Variants in RANGAP1 observed in about 807,000 individuals in gnomAD.
The protein encoded by RANGAP1 is ran GTPase-activating protein 1.
RANGAP1 carries 38 observed loss-of-function variants against 63.5 expected under a neutral mutation model. The observed-to-expected ratio is 0.60, with a 90% CI of 0.46 to 0.78. RANGAP1 has a LOEUF of 0.78. Ranked by LOEUF, RANGAP1 falls within the 30% of genes least tolerant of loss-of-function variation. The pLI is 0.00. For synonymous variants in RANGAP1, 329 were observed against 310.5 expected (o/e 1.06, Z -0.63); for missense variants, 630 against 740.3 (o/e 0.85, Z 1.73).
the RANGAP1 span, among the ~76,000 whole-genome samples, chr22:41,291,335 C>T: frequency 1.3e-5 from 2 of 152,144 alleles, no homozygotes; most frequent in Non-Finnish European, 2.9e-5. Context: ...CGGTGGCTCC[C>T]GCCTGTAATC....
chr22:41,273,564 G>C (rs991451849), intron 3 of RANGAP1, among the ~76,000 whole-genome samples: 1 of 151,540 alleles, frequency 6.6e-6, no homozygotes, highest in East Asian at 1.9e-4. Flanking sequence ...TCAGGAGTTC[G>C]ACACCAGCCT....
intron 15 of RANGAP1, among the ~76,000 whole-genome samples, chr22:41,248,969 C>T (rs2033241648): frequency 6.6e-6 from 1 of 152,238 alleles, no homozygotes; most frequent in African/African-American, 2.4e-5. Flanking sequence ...AACCGCAGCA[C>T]CTCGCTCAGC....
chr22:41,261,538 C>A lies in RANGAP1; in HGVS notation c.523G>T (p.Ala175Ser), dbSNP rs1405039482. 1 of 1,614,142 alleles carries A rather than the reference C, an allele frequency of 6.2e-7. No homozygotes were observed. Among genetic ancestry groups the A allele is most frequent in the Non-Finnish European group, 8.5e-7 (1 of 1,180,062 alleles). The change falls in exon 6 of 16, where the codon GCC (alanine) becomes TCC (serine). Residue 175 changes from alanine (A) to serine (S), a missense_variant. Physicochemically the swap from Ala to Ser is moderately conservative, Grantham distance 99. Around this residue, in one of 3 missense-constraint regions of RANGAP1, gnomAD observed 137 missense variants for 214.3 expected, o/e 0.64. Transcript: ENST00000356244. Reference protein sequence around the residue: ...ALTECHRKSSAQGKPLALKVF... With the variant: ...ALTECHRKSSSQGKPLALKVF... ...TTCAGGGCCAGAGGCTTGCCTTGGG[C>A]ACTGGATTTCCGGTGACATTCGGTC... is the stretch of plus-strand genomic sequence containing the variant.
chr22:41,280,944 G>A lies in RANGAP1; in HGVS notation c.101C>T (p.Thr34Ile), dbSNP rs2035460240. ...TTCCAGAAACTCACCATCTTCTGCA[G>A]TGTTGAGTTTGAGGCTCTTGCCTTT... ...SFKGKSLKLN[T>I]AEDAKDVIKE... Residue 34 changes from threonine to isoleucine, a missense_variant, in exon 2 of 16, where the codon ACT (threonine) becomes ATT (isoleucine). By Grantham distance (89) the Thr-to-Ile change is moderately conservative (BLOSUM62 -1). This residue lies in a region of RANGAP1 where 65 missense variants were observed against 60.5 expected (regional missense o/e 1.07). Transcript: ENST00000356244. 1 of 1,613,912 alleles carries A rather than the reference G, an allele frequency of 6.2e-7. No individual in the cohort carries two copies. Among genetic ancestry groups the A allele is most frequent in the Non-Finnish European group, 8.5e-7 (1 of 1,180,054 alleles).
intron 4 of RANGAP1, among the ~76,000 whole-genome samples, chr22:41,267,278 G>T (rs1380980562): frequency 1.3e-5 from 2 of 152,138 alleles, no homozygotes; most frequent in African/African-American, 4.8e-5. Context: ...GCTGATGCGG[G>T]AGGACTGTTT....
intron 6 of RANGAP1, 118 bp downstream of exon 6, chr22:41,261,328 G>GT (rs2034156818): frequency 1.4e-6 from 2 of 1,467,380 alleles, no homozygotes; most frequent in Non-Finnish European, 1.8e-6. Context: ...GAGAGGGCAC[G>GT]TGACGCCCCA....
At position 41,256,211 on chromosome 22, in the gene RANGAP1, A is replaced by T; in HGVS notation, c.968T>A (p.Leu323Gln). ...ACTACCATTCAGGTCCAGCTTCTCC[A>T]GCTCAGCTTTGTCTGCCATGGCCTC... ...VAEAMADKAE[L>Q]EKLDLNGNTL... Residue 323 changes from leucine to glutamine, a missense_variant, in exon 9 of 16, where the codon CTG becomes CAG. This residue lies in a region of RANGAP1 where 428 missense variants were observed against 465.5 expected (regional missense o/e 0.92). Coordinates refer to ENST00000356244, the MANE Select transcript of RANGAP1 (RefSeq NM_002883.4). 6.2e-7 allele frequency: 1 copy of T among 1,614,148 alleles called. No homozygotes were observed. Among genetic ancestry groups the T allele is most frequent in the Non-Finnish European group, 8.5e-7 (1 of 1,180,018 alleles).
chr22:41,277,070 G>GA (rs1448409807), intron 2 of RANGAP1, among the ~76,000 whole-genome samples: 1 of 145,292 alleles, frequency 6.9e-6, no homozygotes, highest in Non-Finnish European at 1.5e-5. Flanking sequence ...TGAAAGTGAG[G>GA]ATTTTTTTTT....
chr22:41,285,839 C>T (rs954178531), intron 1 of RANGAP1, 147 bp downstream of exon 1: 23 of 470,818 alleles, frequency 4.9e-5, no homozygotes, highest in Non-Finnish European at 5.8e-5. Flanking sequence ...CCACTCCCAC[C>T]GCCACCCCTG....
At chr22:41,285,562 G>A in intron 1 of RANGAP1, 5 of 985,488 alleles carry the variant, frequency 5.1e-6, no homozygotes, top group South Asian at 4.7e-5. Context: ...CAGGGACAGC[G>A]GCGCCAGCCC....
the RANGAP1 span, among the ~76,000 whole-genome samples, chr22:41,301,263 G>C: frequency 6.6e-6 from 1 of 152,198 alleles, no homozygotes; most frequent in Non-Finnish European, 1.5e-5. Flanking sequence ...CACAGATGGG[G>C]AAGGGCGGAG....
At chr22:41,254,796 C>A (rs889979402) in intron 10 of RANGAP1, 5 of 278,524 alleles carry the variant, frequency 1.8e-5, no homozygotes, top group Non-Finnish European at 5.4e-6. Flanking sequence ...CGTGGTGAAA[C>A]CCCGTCTCTA....
In RANGAP1 at chr22:41,281,064, TC is replaced by T; in HGVS notation, c.-21del. ...GGCCATGTTGACTAGGCTGGTGGGC[TC>T]CCCTGGAGATCTGCAGACTGAGGAG... On this transcript the variant is annotated 5_prime_UTR_variant, in exon 2 of 16. Transcript: ENST00000356244. 1 of 1,569,422 alleles carries T rather than the reference TC, an allele frequency of 6.4e-7. No individual in the cohort carries two copies.
At chr22:41,283,463 C>T (rs1204927225) in intron 1 of RANGAP1, among the ~76,000 whole-genome samples, 2 of 152,060 alleles carry the variant, frequency 1.3e-5, no homozygotes, top group Non-Finnish European at 2.9e-5. Flanking sequence ...GAGCCAAGAT[C>T]GCGCCATTGC....
At chr22:41,256,368 CCCAAG>C in intron 8 of RANGAP1, 78 bp from the exon 9 acceptor site, 2 of 1,417,450 alleles carry the variant, frequency 1.4e-6, no homozygotes, top group East Asian at 4.6e-5. Flanking sequence ...CCTCAGTTTC[CCCAAG>C]TGAGGATATG....
the RANGAP1 span, among the ~76,000 whole-genome samples, chr22:41,293,274 C>T: frequency 1.2e-4 from 18 of 151,322 alleles, no homozygotes; most frequent in South Asian, 4.2e-4. Context: ...TTAACCAGCA[C>T]GGTGATGCAC....
intron 3 of RANGAP1, 128 bp downstream of exon 3, chr22:41,274,470 AAG>A: frequency 7.2e-7 from 1 of 1,382,672 alleles, no homozygotes; most frequent in Admixed American, 2.2e-5. Context: ...AGGCCAGAGG[AAG>A]AGGAGCTGCT....
the RANGAP1 span, among the ~76,000 whole-genome samples, chr22:41,301,153 C>T: frequency 6.6e-6 from 1 of 152,068 alleles, no homozygotes; most frequent in African/African-American, 2.4e-5. Context: ...TATGTGTCTC[C>T]GGTTCCCATC....
chr22:41,261,799 A>G (rs942470957), intron 5 of RANGAP1, among the ~76,000 whole-genome samples: 3 of 152,200 alleles, frequency 2.0e-5, no homozygotes, highest in African/African-American at 7.2e-5. Context: ...CCAGCCTGAG[A>G]GGTTTAGCTT....
Sources: gnomAD v4.1 joint callset for allele counts (sites outside exome capture counted in the v4.1 genomes callset) on GRCh38, gnomAD v4.1.1 for gene constraint, gnomAD v4.1.1 regional missense constraint, MANE v1.5 for transcripts, NCBI Gene and HGNC (gene_info 2026-07-23, HGNC 2026-07-21) for gene names.